Variants in ALG14 observed in about 807,000 individuals in gnomAD.
ALG14 encodes UDP-N-acetylglucosamine transferase subunit ALG14.
ALG14 carries 17 observed loss-of-function variants against 22.8 expected under a neutral mutation model. That is an observed-to-expected ratio of 0.75 (90% CI 0.51 to 1.12). The LOEUF (loss-of-function observed/expected upper bound fraction) is 1.12. ALG14 is among the 50% of genes most tolerant of loss of function. The pLI is 0.00. For synonymous variants in ALG14, 89 were observed against 103.7 expected, an observed-to-expected ratio of 0.86 and a Z score of 0.86; for missense variants, 288 against 271.8, an observed-to-expected ratio of 1.06 and a Z score of -0.42.
chr1:95,054,590 T>G (rs79180572), intron 2 of ALG14, among the ~76,000 whole-genome samples: 5 of 152,164 alleles, frequency 3.3e-5, no homozygotes, highest in African/African-American at 9.7e-5. Context: ...TGTCAATACA[T>G]TAGCAAATTT....
At chr1:95,062,740 A>C (rs905224304) in intron 2 of ALG14, among the ~76,000 whole-genome samples, 1 of 152,184 alleles carries the variant, frequency 6.6e-6, no homozygotes, top group African/African-American at 2.4e-5. Context: ...TGCTATTGTG[A>C]ATAGTGCTGC....
At chr1:95,021,075 G>A (rs1369393394) in intron 3 of ALG14, among the ~76,000 whole-genome samples, 3 of 152,180 alleles carry the variant, frequency 2.0e-5, no homozygotes, top group East Asian at 1.9e-4. Flanking sequence ...ATCCTTAGAC[G>A]AATTCAGCGA....
intron 3 of ALG14, among the ~76,000 whole-genome samples, chr1:94,999,343 ATTTTTTTT>A (rs548389921): frequency 3.8e-4 from 41 of 108,760 alleles, no homozygotes; most frequent in African/African-American, 6.1e-4. Flanking sequence ...CAGTAGACCC[ATTTTTTTT>A]TTTTTTTTTT....
At chr1:95,014,283 T>C (rs1673444314) in intron 3 of ALG14, among the ~76,000 whole-genome samples, 1 of 152,202 alleles carries the variant, frequency 6.6e-6, no homozygotes, top group African/African-American at 2.4e-5. Flanking sequence ...AACTATTCTG[T>C]TGGACATCCT....
chr1:95,060,751 A>C (rs1675118878), intron 2 of ALG14, among the ~76,000 whole-genome samples: 1 of 152,078 alleles, frequency 6.6e-6, no homozygotes, highest in Non-Finnish European at 1.5e-5. Flanking sequence ...ATAAAAATCC[A>C]AAATATTTTT....
At position 94,977,077 on chromosome 1, in the gene ALG14, T is replaced by G. The variant is rs13343085; in HGVS notation, c.*5999A>C. 6.6e-6 allele frequency: 1 copy of G among 152,248 alleles called. No homozygotes were observed. The highest frequency in any genetic ancestry group is 1.5e-5 in the Non-Finnish European group (1 of 68,044). The allele number at this position is 152,248 out of a possible 1,614,324, so 9.4% of individuals were successfully genotyped here. On this transcript the variant is annotated 3_prime_UTR_variant, in exon 4 of 4. Transcript: ENST00000370205. ...TTTTGAGATCTTGAGCAGAAAACCT[T>G]CTTTGCCTGGATTTCTAACCTACAG...
chr1:95,066,241 C>G (rs1468590754), intron 1 of ALG14, among the ~76,000 whole-genome samples: 3 of 152,126 alleles, frequency 2.0e-5, no homozygotes, highest in African/African-American at 7.2e-5. Context: ...CACCTCCCCC[C>G]AGGTGGAGTT....
chr1:95,016,861 G>A (rs1290313602), intron 3 of ALG14, among the ~76,000 whole-genome samples: 2 of 151,658 alleles, frequency 1.3e-5, no homozygotes, highest in Non-Finnish European at 2.9e-5. Flanking sequence ...CCACAGAGAG[G>A]ATAGCCTAGA....
rs1674950352 is a variant in ALG14, at chr1:95,056,798, C to A, written c.288+8068G>T. On this transcript the variant is annotated intron_variant, in intron 2 of 3. Coordinates refer to ENST00000370205, the MANE Select transcript of ALG14 (RefSeq NM_144988.4). Reference sequence around the variant, plus strand: ...TTCTGGCTGGGCGTGGTGGCTCACGCCTGTAATCCCAGCACTTTGGGAGGC... The same window carrying A: ...TTCTGGCTGGGCGTGGTGGCTCACGACTGTAATCCCAGCACTTTGGGAGGC... Among the ~76,000 whole-genome samples, 3 of 149,944 alleles carry A rather than the reference C, an allele frequency of 2.0e-5. No individual in the cohort carries two copies. In the South Asian group the frequency reaches 6.4e-4, roughly 32 times the overall value.
chr1:95,026,495 T>TGC (rs1557960125), intron 3 of ALG14, among the ~76,000 whole-genome samples: 1 of 151,898 alleles, frequency 6.6e-6, no homozygotes, highest in African/African-American at 2.4e-5. Context: ...TGTGTGTGTG[T>TGC]GTGTGTGTAT....
chr1:95,007,608 T>G (rs1413453188), intron 3 of ALG14, among the ~76,000 whole-genome samples: 2 of 152,268 alleles, frequency 1.3e-5, no homozygotes, highest in East Asian at 1.9e-4. Flanking sequence ...GCAACTTGAC[T>G]GGCTATTGCC....
At chr1:94,989,652 TAGCAGCAGC>T (rs1044358928) in intron 3 of ALG14, among the ~76,000 whole-genome samples, 6 of 152,220 alleles carry the variant, frequency 3.9e-5, no homozygotes, top group Admixed American at 2.0e-4. Context: ...CCAGCAACAG[TAGCAGCAGC>T]ATCTCCTGAA....
intron 3 of ALG14, among the ~76,000 whole-genome samples, chr1:95,022,052 T>C (rs892836203): frequency 6.6e-6 from 1 of 152,026 alleles, no homozygotes; most frequent in Admixed American, 6.6e-5. Context: ...AGAGCAAAAA[T>C]CACAGGCAAA....
At chr1:94,992,123 A>C (rs1672790734) in intron 3 of ALG14, among the ~76,000 whole-genome samples, 1 of 152,186 alleles carries the variant, frequency 6.6e-6, no homozygotes, top group Non-Finnish European at 1.5e-5. Context: ...AGTACACTAT[A>C]AAATAATGAT....
chr1:94,996,458 T>C (rs531085595), intron 3 of ALG14, among the ~76,000 whole-genome samples: 5 of 152,292 alleles, frequency 3.3e-5, no homozygotes, highest in African/African-American at 1.2e-4. Flanking sequence ...AATACCACTT[T>C]AGGGGCAAGC....
At chr1:95,022,445 A>T in intron 3 of ALG14, 2 of 805,922 alleles carry the variant, frequency 2.5e-6, no homozygotes, top group Non-Finnish European at 1.5e-6. Context: ...CTCGCAGTGG[A>T]CTCTGACCAT....
At chr1:95,034,853 G>T (rs1170479225) in intron 2 of ALG14, among the ~76,000 whole-genome samples, 1 of 151,998 alleles carries the variant, frequency 6.6e-6, no homozygotes, top group Non-Finnish European at 1.5e-5. Flanking sequence ...AACCCATAGA[G>T]TTTGTTGTCT....
chr1:95,027,356 TTTAA>T (rs1673853982), intron 2 of ALG14, 96 bp from the exon 3 acceptor site: 3 of 1,437,408 alleles, frequency 2.1e-6, no homozygotes, highest in Non-Finnish European at 2.9e-6. Context: ...AAATGCTTTC[TTTAA>T]TTTAAATTTT....
chr1:94,989,491 A>G (rs1319235994), intron 3 of ALG14, among the ~76,000 whole-genome samples: 2 of 152,198 alleles, frequency 1.3e-5, no homozygotes, highest in African/African-American at 4.8e-5. Flanking sequence ...TAGATGGGCC[A>G]GTGACTTGCC....
Sources: gnomAD v4.1 joint callset for allele counts (sites outside exome capture counted in the v4.1 genomes callset) on GRCh38, gnomAD v4.1.1 for gene constraint, MANE v1.5 for transcripts, NCBI Gene and HGNC (gene_info 2026-07-23, HGNC 2026-07-21) for gene names.